The following APBB1IP variants were observed in gnomAD, a reference collection of about 807,000 sequenced individuals.
APBB1IP encodes the protein amyloid beta A4 precursor protein-binding family B member 1-interacting protein.
Under a neutral mutation model 64.9 loss-of-function variants are expected in APBB1IP, and 27 were observed. The observed-to-expected ratio is 0.42, with a 90% CI of 0.31 to 0.57. APBB1IP has a LOEUF of 0.57. APBB1IP is among the 20% of genes least tolerant of loss of function. APBB1IP has a pLI of 0.20. For synonymous variants in APBB1IP, 392 were observed against 331.0 expected, an observed-to-expected ratio of 1.18 and a Z score of -2.00; for missense variants, 812 against 845.5, an observed-to-expected ratio of 0.96 and a Z score of 0.49.
chr10:26,526,678 CAT>C (rs575550330), intron 8 of APBB1IP, among the ~76,000 whole-genome samples: 489 of 152,230 alleles, frequency 3.2e-3, no homozygotes, highest in South Asian at 7.7e-3. Flanking sequence ...GAGACCACAC[CAT>C]TGCACTCCAG....
At chr10:26,489,603 C>T (rs893387621) in intron 2 of APBB1IP, among the ~76,000 whole-genome samples, 1 of 152,184 alleles carries the variant, frequency 6.6e-6, no homozygotes, top group Admixed American at 6.5e-5. Context: ...ACCCTGGGTG[C>T]TAAATGTTGC....
intron 2 of APBB1IP, among the ~76,000 whole-genome samples, chr10:26,483,092 T>TA (rs35069320): frequency 0.44 from 29,601 of 67,220 alleles, 6,869 homozygotes; most frequent in East Asian, 0.56. Context: ...CTCCATCTGA[T>TA]AAAAAAAAAA....
At chr10:26,542,255 C>A (rs1434915058) in intron 11 of APBB1IP, among the ~76,000 whole-genome samples, 1 of 152,168 alleles carries the variant, frequency 6.6e-6, no homozygotes, top group Non-Finnish European at 1.5e-5. Flanking sequence ...CCCCCAGGCT[C>A]AAGCAATCCT....
At chr10:26,474,300 T>C (rs972064589) in intron 2 of APBB1IP, among the ~76,000 whole-genome samples, 1 of 152,216 alleles carries the variant, frequency 6.6e-6, no homozygotes. Flanking sequence ...TGGACAGGCC[T>C]GGTTTTCATT....
intron 2 of APBB1IP, among the ~76,000 whole-genome samples, chr10:26,451,079 G>A (rs117950053): frequency 0.017 from 2,632 of 151,530 alleles, 27 homozygotes; most frequent in Non-Finnish European, 0.026. Flanking sequence ...TACACAGGAC[G>A]TTGAGAGACA....
In APBB1IP at chr10:26,496,376, T is replaced by A; in HGVS notation, c.145T>A (p.Phe49Ile). Residue 49 changes from phenylalanine (F) to isoleucine (I), a missense_variant, in exon 4 of 15, where the codon TTT becomes ATT. Around this residue, in one of 3 missense-constraint regions of APBB1IP, gnomAD observed 394 missense variants for 413.1 expected, o/e 0.95. Coordinates refer to ENST00000376236, the MANE Select transcript of APBB1IP (RefSeq NM_019043.4). Reference protein sequence around the residue: ...PRAEFNYSVGFKDLNESLNAL... With the variant: ...PRAEFNYSVGIKDLNESLNAL... The stretch of plus-strand genomic sequence containing the variant: ...AGCTGAATTTAACTACAGTGTGGGG[T>A]TTAAAGATTTAAATGGTAAGCATAA... 2 of 1,609,428 alleles carry A rather than the reference T, an allele frequency of 1.2e-6. No homozygotes were observed. Among genetic ancestry groups the A allele is most frequent in the South Asian group, 2.2e-5 (2 of 90,820 alleles).
intron 2 of APBB1IP, among the ~76,000 whole-genome samples, chr10:26,440,378 GATCA>G (rs1271334858): frequency 6.6e-6 from 1 of 152,152 alleles, no homozygotes; most frequent in African/African-American, 2.4e-5. Context: ...TAGAATTGCT[GATCA>G]CAAATTTTTT....
intron 2 of APBB1IP, among the ~76,000 whole-genome samples, chr10:26,460,021 T>A (rs1261560124): frequency 6.6e-5 from 10 of 152,186 alleles, no homozygotes; most frequent in Non-Finnish European, 1.3e-4. Flanking sequence ...AACAAAATAA[T>A]GTATTTTTGC....
At chr10:26,471,958 C>T (rs370648885) in intron 2 of APBB1IP, among the ~76,000 whole-genome samples, 2 of 152,202 alleles carry the variant, frequency 1.3e-5, no homozygotes, top group Non-Finnish European at 2.9e-5. Context: ...GCTGGGATTA[C>T]AGGCGTGAGC....
chr10:26,504,510 G>A (rs1477730682), intron 6 of APBB1IP, among the ~76,000 whole-genome samples: 4 of 152,118 alleles, frequency 2.6e-5, no homozygotes, highest in Non-Finnish European at 5.9e-5. Context: ...AGGAGTTTAA[G>A]ACCAGCCTGG....
intron 11 of APBB1IP, among the ~76,000 whole-genome samples, chr10:26,552,162 G>A (rs996545876): frequency 6.6e-6 from 1 of 152,148 alleles, no homozygotes; most frequent in Non-Finnish European, 1.5e-5. Context: ...TCAGCAGGGT[G>A]TGGTAGCATG....
At chr10:26,533,773 A>G (rs1216764919) in intron 9 of APBB1IP, among the ~76,000 whole-genome samples, 1 of 152,166 alleles carries the variant, frequency 6.6e-6, no homozygotes, top group African/African-American at 2.4e-5. Flanking sequence ...ACTTTTAAAA[A>G]CTTCTAGCAT....
chr10:26,506,471 C>T (rs1397995810), intron 6 of APBB1IP, among the ~76,000 whole-genome samples: 3 of 152,146 alleles, frequency 2.0e-5, no homozygotes, highest in African/African-American at 7.2e-5. Flanking sequence ...TGGTCTCAAA[C>T]TCCTGGCCTC....
intron 8 of APBB1IP, among the ~76,000 whole-genome samples, chr10:26,522,929 G>T (rs528023646): frequency 2.0e-5 from 3 of 150,804 alleles, no homozygotes; most frequent in Non-Finnish European, 4.4e-5. Context: ...GCTTGAACCC[G>T]GGAGGTGGAG....
At chr10:26,494,975 G>A in intron 3 of APBB1IP, among the ~76,000 whole-genome samples, 1 of 151,764 alleles carries the variant, frequency 6.6e-6, no homozygotes, top group East Asian at 1.9e-4. Context: ...AAGGTGTTAG[G>A]ATGGCAACCA....
chr10:26,534,879 ACT>A (rs1564371662), intron 9 of APBB1IP, among the ~76,000 whole-genome samples: 1 of 152,138 alleles, frequency 6.6e-6, no homozygotes, highest in East Asian at 1.9e-4. Context: ...TGGGGTCAAA[ACT>A]CTGAATTTAA....
intron 2 of APBB1IP, among the ~76,000 whole-genome samples, chr10:26,477,076 C>A (rs970702220): frequency 6.6e-6 from 1 of 152,204 alleles, no homozygotes; most frequent in African/African-American, 2.4e-5. Flanking sequence ...TCTGGGATTA[C>A]AGGTGTGAAC....
intron 10 of APBB1IP, among the ~76,000 whole-genome samples, chr10:26,537,315 C>A (rs1011078279): frequency 2.0e-5 from 3 of 152,110 alleles, no homozygotes; most frequent in Non-Finnish European, 4.4e-5. Flanking sequence ...CCCACACTTC[C>A]AAGCCGATGA....
rs1837065887 is a variant in APBB1IP, at chr10:26,567,319, C to CCCCCGT, written c.1838_1843dup (p.Val613_Pro614dup). ...CCGCCGCCGCCCGCGCCCGCGCCCGCCCCCGTCCCCGACTCCGCCAGGCCG... is the reference window on the plus strand; with the variant it reads ...CCGCCGCCGCCCGCGCCCGCGCCCGCCCCCGTCCCCGTCCCCGACTCCGCCAGGCCG... On this transcript the variant is annotated inframe_insertion, in exon 15 of 15. Coordinates refer to ENST00000376236, the MANE Select transcript of APBB1IP (RefSeq NM_019043.4). 2.4e-6 allele frequency: 3 copies of CCCCCGT among 1,258,934 alleles called. No individual in the cohort carries two copies. The highest frequency in any genetic ancestry group is 3.0e-6 in the Non-Finnish European group (3 of 983,712). The allele number at this position is 1,258,934 out of a possible 1,614,324, so 78.0% of individuals were successfully genotyped here. A position where few individuals can be genotyped will look rare whatever the true frequency, so the allele number is the denominator to read the frequency against.
Sources: gnomAD v4.1 joint callset for allele counts (sites outside exome capture counted in the v4.1 genomes callset) on GRCh38, gnomAD v4.1.1 for gene constraint, gnomAD v4.1.1 regional missense constraint, MANE v1.5 for transcripts, NCBI Gene and HGNC (gene_info 2026-07-23, HGNC 2026-07-21) for gene names.